BTBD9: variants seen among roughly 807,000 people sequenced by gnomAD.
BTBD9 encodes BTB/POZ domain-containing protein 9.
Under a neutral mutation model 64.3 loss-of-function variants are expected in BTBD9, and 49 were observed. The observed-to-expected ratio is 0.76, with a 90% CI of 0.61 to 0.97. The LOEUF (loss-of-function observed/expected upper bound fraction) is 0.97, where lower values mean the gene tolerates loss of function less well. Among genes scored for constraint, BTBD9 ranks in the 50% least tolerant of loss-of-function variants. BTBD9 has a pLI of 0.00. For synonymous variants in BTBD9, 260 were observed against 274.7 expected, an observed-to-expected ratio of 0.95 and a Z score of 0.53; for missense variants, 598 against 762.1, an observed-to-expected ratio of 0.78 and a Z score of 2.53.
intron 6 of BTBD9, among the ~76,000 whole-genome samples, chr6:38,501,111 T>C (rs4316001): frequency 0.86 from 130,351 of 152,182 alleles, 56,298 homozygotes; most frequent in South Asian, 0.91. Flanking sequence ...TGCTGTAAGT[T>C]AAAAAGTTAA....
rs562006737 is a variant in BTBD9 at position 38,339,096 on chromosome 6, T to C, written c.1264+5888A>G. ...TCTATGTGCATTTACTCTTTGATCA[T>C]ACAATCCCTTCTCTAGAAATCTATC... On this transcript the variant is annotated intron_variant, in intron 7 of 10. Coordinates refer to ENST00000481247, the MANE Select transcript of BTBD9 (RefSeq NM_001099272.2). Among the ~76,000 whole-genome samples, 3 of 152,304 alleles carry C rather than the reference T, an allele frequency of 2.0e-5. No homozygotes were observed. In the South Asian group the frequency reaches 6.2e-4, roughly 32 times the overall value.
At chr6:38,305,309 C>T (rs1048803320) in intron 7 of BTBD9, among the ~76,000 whole-genome samples, 2 of 152,156 alleles carry the variant, frequency 1.3e-5, no homozygotes, top group Non-Finnish European at 1.5e-5. Context: ...ACTACCCACA[C>T]CTTCTATTCT....
At chr6:38,414,127 G>A (rs952438887) in intron 6 of BTBD9, among the ~76,000 whole-genome samples, 3 of 152,078 alleles carry the variant, frequency 2.0e-5, no homozygotes, top group African/African-American at 7.2e-5. Context: ...TTATGTTTGT[G>A]GACTATCACT....
chr6:38,361,426 A>AT (rs1452150708), intron 6 of BTBD9, among the ~76,000 whole-genome samples: 4 of 152,102 alleles, frequency 2.6e-5, no homozygotes, highest in African/African-American at 9.7e-5. Flanking sequence ...GCACATGGCT[A>AT]TAGTCCTAGC....
intron 6 of BTBD9, among the ~76,000 whole-genome samples, chr6:38,425,927 TACACACACAC>T (rs61016424): frequency 4.4e-5 from 6 of 136,988 alleles, no homozygotes; most frequent in Non-Finnish European, 6.3e-5. Context: ...AAGAAACACA[TACACACACAC>T]ACACACACAC....
chr6:38,327,744 C>T (rs59032311), intron 7 of BTBD9, among the ~76,000 whole-genome samples: 5,287 of 152,278 alleles, frequency 0.035, 229 homozygotes, highest in African/African-American at 0.11. Context: ...GATCTGCTTT[C>T]GTTGTCACAG....
chr6:38,495,427 C>G (rs1477029358), intron 6 of BTBD9, among the ~76,000 whole-genome samples: 2 of 152,164 alleles, frequency 1.3e-5, no homozygotes, highest in African/African-American at 4.8e-5. Flanking sequence ...CCAGAGTTAG[C>G]AGGTATGGAG....
At chr6:38,200,439 TAG>T (rs888154986) in intron 9 of BTBD9, among the ~76,000 whole-genome samples, 3 of 152,066 alleles carry the variant, frequency 2.0e-5, no homozygotes, top group Non-Finnish European at 4.4e-5. Flanking sequence ...TTAAATGAAA[TAG>T]AGACTACATA....
intron 6 of BTBD9, among the ~76,000 whole-genome samples, chr6:38,381,125 T>C (rs1562104792): frequency 6.6e-6 from 1 of 151,888 alleles, no homozygotes. Flanking sequence ...GAGAAATAGA[T>C]CAAATGTATT....
chr6:38,553,831 T>TG (rs1774910480), intron 6 of BTBD9, among the ~76,000 whole-genome samples: 1 of 151,478 alleles, frequency 6.6e-6, no homozygotes. Context: ...CCAGTCTGGG[T>TG]GACAGAGCGA....
chr6:38,249,521 C>T (rs528673797), intron 9 of BTBD9, among the ~76,000 whole-genome samples: 109 of 152,048 alleles, frequency 7.2e-4, no homozygotes, highest in Non-Finnish European at 1.5e-3. Context: ...CTGCCTCAGC[C>T]TCCCAAAGTG....
chr6:38,521,922 G>C (rs908733466), intron 6 of BTBD9, among the ~76,000 whole-genome samples: 1 of 152,070 alleles, frequency 6.6e-6, no homozygotes. Flanking sequence ...TGATCCACCC[G>C]CCTCAGCCTC....
At chr6:38,215,433 G>A (rs979275260) in intron 9 of BTBD9, among the ~76,000 whole-genome samples, 2 of 152,188 alleles carry the variant, frequency 1.3e-5, no homozygotes, top group Admixed American at 1.3e-4. Flanking sequence ...AACAGCACCA[G>A]GGGACAGGAA....
intron 7 of BTBD9, among the ~76,000 whole-genome samples, chr6:38,318,530 C>T (rs913895857): frequency 8.5e-5 from 13 of 152,200 alleles, no homozygotes; most frequent in Non-Finnish European, 1.9e-4. Flanking sequence ...CATAGAGGTA[C>T]TGCCTTGGTG....
chr6:38,209,405 G>A (rs764656239), intron 9 of BTBD9, among the ~76,000 whole-genome samples: 1 of 152,164 alleles, frequency 6.6e-6, no homozygotes, highest in Non-Finnish European at 1.5e-5. Context: ...TTTGTTCTTG[G>A]CCTCGAGACA....
At chr6:38,613,486 A>G (rs1739630) in intron 1 of BTBD9, among the ~76,000 whole-genome samples, 99,385 of 151,926 alleles carry the variant, frequency 0.65, 32,902 homozygotes, top group African/African-American at 0.76. Context: ...GCTGGGCATG[A>G]TGGCGGGTCC....
At chr6:38,230,448 T>C (rs1033159966) in intron 9 of BTBD9, among the ~76,000 whole-genome samples, 1 of 130,908 alleles carries the variant, frequency 7.6e-6, no homozygotes, top group African/African-American at 3.0e-5. Flanking sequence ...TGAGCCGAGA[T>C]CGTGACATTG....
chr6:38,334,624 AC>A (rs1347476229), intron 7 of BTBD9, among the ~76,000 whole-genome samples: 4 of 136,484 alleles, frequency 2.9e-5, no homozygotes, highest in East Asian at 4.0e-4. Context: ...ACATAACATA[AC>A]ATAAAATAAA....
At chr6:38,316,176 T>G (rs1253974588) in intron 7 of BTBD9, among the ~76,000 whole-genome samples, 1 of 152,212 alleles carries the variant, frequency 6.6e-6, no homozygotes, top group Non-Finnish European at 1.5e-5. Flanking sequence ...TTGTATCACT[T>G]TAGTTTCAGT....
Sources: allele counts gnomAD v4.1 joint callset (sites outside exome capture counted in the v4.1 genomes callset), GRCh38; gene constraint gnomAD v4.1.1; transcripts MANE v1.5; gene names NCBI Gene and HGNC (gene_info 2026-07-23, HGNC 2026-07-21).